MYO1E: variants seen among roughly 807,000 people sequenced by gnomAD.
MYO1E encodes the protein myosin IE, also known as unconventional myosin-Ie.
A neutral mutation model predicts 151.1 loss-of-function variants in MYO1E; 68 were observed. The ratio of observed to expected loss-of-function variants is 0.45; its 90% CI spans 0.37 to 0.55. MYO1E has a LOEUF of 0.55. MYO1E is among the 20% of genes least tolerant of loss of function. The pLI is 0.00. For synonymous variants in MYO1E, 601 were observed against 501.7 expected (o/e 1.20, Z -2.64); for missense variants, 1,363 against 1,389.3 (o/e 0.98, Z 0.30).
chr15:59,336,366 G>C (rs960583368), intron 1 of MYO1E, among the ~76,000 whole-genome samples: 3 of 151,638 alleles, frequency 2.0e-5, no homozygotes, highest in Non-Finnish European at 2.9e-5. Context: ...GTGAAACGCT[G>C]TCTCAAAAAA....
chr15:59,143,742 T>C (rs1489938818), intron 26 of MYO1E, among the ~76,000 whole-genome samples: 3 of 152,162 alleles, frequency 2.0e-5, no homozygotes, highest in Admixed American at 1.3e-4. Flanking sequence ...CTGGCCAACA[T>C]GGTGGCACAC....
chr15:59,264,811 A>C (rs1466449079), intron 2 of MYO1E: 1 of 152,270 alleles, frequency 6.6e-6, no homozygotes, highest in Non-Finnish European at 1.5e-5. Flanking sequence ...CCTTGAGCTC[A>C]GGAGTTCGAA....
intron 5 of MYO1E, among the ~76,000 whole-genome samples, chr15:59,235,756 T>C (rs1157950765): frequency 6.6e-6 from 1 of 152,258 alleles, no homozygotes; most frequent in African/African-American, 2.4e-5. Context: ...TGAAATGTTC[T>C]TCATTAAAAT....
At position 59,372,510 on chromosome 15, in the gene MYO1E, C is replaced by G; in HGVS notation, c.-10G>C. 1 of 1,536,186 alleles carries G rather than the reference C, an allele frequency of 6.5e-7. No homozygotes were observed. The highest frequency in any genetic ancestry group is 8.8e-7 in the Non-Finnish European group (1 of 1,141,632). ...GCGGCCAACTCACCATGGTGACTCGCGCCGCGGTCGCGTCTTCGCCGGGTC... is the reference window on the plus strand; with the variant it reads ...GCGGCCAACTCACCATGGTGACTCGGGCCGCGGTCGCGTCTTCGCCGGGTC... On this transcript the variant is annotated 5_prime_UTR_variant, in exon 1 of 28. Coordinates refer to ENST00000288235, the MANE Select transcript of MYO1E (RefSeq NM_004998.4).
At chr15:59,248,414 G>C (rs1176047660) in intron 4 of MYO1E, among the ~76,000 whole-genome samples, 4 of 144,710 alleles carry the variant, frequency 2.8e-5, no homozygotes, top group Non-Finnish European at 6.1e-5. Flanking sequence ...TGAACCCGGG[G>C]GGATGGAGGT....
chr15:59,326,732 T>C (rs2140420518), intron 1 of MYO1E, among the ~76,000 whole-genome samples: 1 of 152,252 alleles, frequency 6.6e-6, no homozygotes, highest in East Asian at 1.9e-4. Flanking sequence ...AAATATGTAC[T>C]GCTACTTGCA....
chr15:59,168,135 C>T (rs986331884), intron 22 of MYO1E, among the ~76,000 whole-genome samples: 9 of 152,084 alleles, frequency 5.9e-5, no homozygotes, highest in East Asian at 3.9e-4. Flanking sequence ...AATTTTTAAC[C>T]GTAACTCAAC....
intron 4 of MYO1E, among the ~76,000 whole-genome samples, chr15:59,252,570 C>A (rs2080171315): frequency 1.3e-5 from 2 of 152,154 alleles, no homozygotes; most frequent in South Asian, 4.1e-4. Context: ...CAAAAATTAG[C>A]CAGATGTGGT....
intron 4 of MYO1E, among the ~76,000 whole-genome samples, chr15:59,241,644 C>CAGTG (rs777248009): frequency 1.3e-4 from 20 of 152,080 alleles, no homozygotes; most frequent in Non-Finnish European, 2.4e-4. Flanking sequence ...ACAGAGGTTG[C>CAGTG]AGTGAGCTGA....
intron 1 of MYO1E, among the ~76,000 whole-genome samples, chr15:59,294,410 T>C (rs117726217): frequency 0.019 from 2,958 of 152,330 alleles, 52 homozygotes; most frequent in Non-Finnish European, 0.032. Flanking sequence ...CTATTCCAAA[T>C]AGATTTGGAC....
At chr15:59,372,302 C>G (rs1403997606) in intron 1 of MYO1E, among the ~76,000 whole-genome samples, 196 bp downstream of exon 1, 5 of 152,184 alleles carry the variant, frequency 3.3e-5, no homozygotes, top group African/African-American at 1.2e-4. Flanking sequence ...TAAAGTTTTC[C>G]TTGGCCCCTC....
rs2079351444 is a variant in MYO1E, at chr15:59,132,532, C to G, written c.*4848G>C. 6.6e-6 allele frequency: 1 copy of G among 152,168 alleles called. No homozygotes were observed. Among genetic ancestry groups the G allele is most frequent in the Non-Finnish European group, 1.5e-5 (1 of 68,036 alleles). 9.4% of individuals were successfully genotyped at this position (152,168 alleles called of 1,614,324 possible). ...TAAAAAAAGACCTTTAAGATACTTTCTTAGATGGCACAGCAGGCACCCCAA... is the reference window on the plus strand; with the variant it reads ...TAAAAAAAGACCTTTAAGATACTTTGTTAGATGGCACAGCAGGCACCCCAA... On this transcript the variant is annotated 3_prime_UTR_variant, in exon 28 of 28. Transcript: ENST00000288235.
intron 17 of MYO1E, among the ~76,000 whole-genome samples, chr15:59,193,006 G>C (rs550949794): frequency 6.6e-6 from 1 of 150,944 alleles, no homozygotes; most frequent in East Asian, 2.0e-4. Context: ...AAGGAACTGA[G>C]GGCTAAGGAG....
chr15:59,353,369 A>AAAAAAAAAAAG (rs1178465167), intron 1 of MYO1E, among the ~76,000 whole-genome samples: 85 of 96,884 alleles, frequency 8.8e-4, no homozygotes, highest in East Asian at 3.6e-3. Context: ...AAAAAAAAAA[A>AAAAAAAAAAAG]AAAAGAAAAG....
chr15:59,161,651 G>C (rs2079538952), intron 23 of MYO1E, among the ~76,000 whole-genome samples: 1 of 152,188 alleles, frequency 6.6e-6, no homozygotes. Context: ...ACACAGGCCA[G>C]CTTGAGGACT....
chr15:59,244,923 A>C (rs974884626), intron 4 of MYO1E, among the ~76,000 whole-genome samples: 2 of 152,236 alleles, frequency 1.3e-5, no homozygotes, highest in Non-Finnish European at 2.9e-5. Flanking sequence ...ATGATAAAGG[A>C]ATTTTAGCAA....
chr15:59,369,903 T>A (rs1248296540), intron 1 of MYO1E, among the ~76,000 whole-genome samples: 7 of 151,912 alleles, frequency 4.6e-5, no homozygotes, highest in African/African-American at 1.7e-4. Flanking sequence ...ACACACACAC[T>A]CACACAGAAG....
chr15:59,152,919 G>A (rs1424450948), intron 26 of MYO1E, among the ~76,000 whole-genome samples: 1 of 152,150 alleles, frequency 6.6e-6, no homozygotes, highest in Non-Finnish European at 1.5e-5. Flanking sequence ...TTTTACTGGA[G>A]CCAAAATCTA....
intron 6 of MYO1E, among the ~76,000 whole-genome samples, chr15:59,229,243 T>A (rs2080010994): frequency 6.6e-6 from 1 of 152,172 alleles, no homozygotes; most frequent in African/African-American, 2.4e-5. Context: ...TGCTCAACCT[T>A]GGATGCCCCT....
Sources: allele counts gnomAD v4.1 joint callset (sites outside exome capture counted in the v4.1 genomes callset), GRCh38; gene constraint gnomAD v4.1.1; transcripts MANE v1.5; gene names NCBI Gene and HGNC (gene_info 2026-07-23, HGNC 2026-07-21).